Variants in OC90 observed in about 807,000 individuals in gnomAD.
OC90 encodes otoconin 90, also known as otoconin-90.
OC90 carries 46 observed loss-of-function variants against 47.3 expected under a neutral mutation model. That is an observed-to-expected ratio of 0.97 (90% CI 0.77 to 1.24). The LOEUF (loss-of-function observed/expected upper bound fraction) is 1.24, where lower values mean the gene tolerates loss of function less well. Among genes scored for constraint, OC90 ranks in the 50% most tolerant of loss-of-function variants. OC90 has a pLI of 0.00. For synonymous variants in OC90, 271 were observed against 219.5 expected (o/e 1.23, Z -2.07); for missense variants, 688 against 583.9 (o/e 1.18, Z -1.84).
At chr8:132,028,831 AAG>A (rs1220076210) in intron 13 of OC90, among the ~76,000 whole-genome samples, 2 of 150,512 alleles carry the variant, frequency 1.3e-5, no homozygotes, top group Non-Finnish European at 3.0e-5. Flanking sequence ...AAAAGAAAGA[AAG>A]AAAGAAAAGG....
intron 10 of OC90, 123 bp downstream of exon 10, chr8:132,034,658 A>G (rs1822927848): frequency 3.0e-6 from 2 of 657,620 alleles, no homozygotes; most frequent in African/African-American, 3.7e-5. Flanking sequence ...TTGCCCCATC[A>G]CCTCCCATGC....
rs939279622 is a variant in OC90, at chr8:132,024,344, C to T, written c.*137G>A. On this transcript the variant is annotated 3_prime_UTR_variant, in exon 14 of 14. Coordinates refer to ENST00000254627, the MANE Select transcript of OC90 (RefSeq NM_001080399.3). ...GCTGATGAGGCATGGGCAGGGCTCA[C>T]GGCCTCTGTTCCCTCCCCGCCTCTG... 5.1e-5 allele frequency: 35 copies of T among 686,864 alleles called. No homozygotes were observed. The highest frequency in any genetic ancestry group is 2.4e-4 in the Admixed American group (8 of 33,684). 42.5% of individuals were successfully genotyped at this position (686,864 alleles called of 1,614,324 possible). A position where few individuals can be genotyped will look rare whatever the true frequency, so the allele number is the denominator to read the frequency against.
At chr8:132,041,374 T>C (rs1485369753) in intron 5 of OC90, 151 bp downstream of exon 5, 1 of 682,378 alleles carries the variant, frequency 1.5e-6, no homozygotes, top group East Asian at 2.7e-5. Context: ...CATGTAAAGA[T>C]GAGTCACCCA....
chr8:132,034,783 G>A lies in OC90; in HGVS notation c.731C>T (p.Pro244Leu). Residue 244 changes from proline (P) to leucine (L), a missense_variant and splice_region_variant, in exon 10 of 14, where the codon CCA becomes CTA. Coordinates refer to ENST00000254627, the MANE Select transcript of OC90 (RefSeq NM_001080399.3). ...CAGGTGGAGCCCAGTAGGCTTACCT[G>A]GAGGGGACGTAGCCCTAGCAGCTCC... ...GVGAARATSP[P>L]GSAEIVATRV... The A allele has an allele frequency of 6.2e-7, 1 of 1,609,394 alleles. No homozygotes were observed. The highest frequency in any genetic ancestry group is 1.1e-5 in the South Asian group (1 of 90,594).
At chr8:132,051,286 C>T (rs1298396689) in intron 2 of OC90, among the ~76,000 whole-genome samples, 1 of 152,226 alleles carries the variant, frequency 6.6e-6, no homozygotes, top group Non-Finnish European at 1.5e-5. Flanking sequence ...CTACATCCAA[C>T]TTTATTTTCT....
intron 13 of OC90, among the ~76,000 whole-genome samples, chr8:132,025,440 T>C (rs1822742546): frequency 6.6e-6 from 1 of 152,152 alleles, no homozygotes; most frequent in Non-Finnish European, 1.5e-5. Context: ...TATTCCCTTC[T>C]TCTGAGGGTG....
At chr8:132,042,611 A>G (rs1469521974) in intron 4 of OC90, among the ~76,000 whole-genome samples, 2 of 152,170 alleles carry the variant, frequency 1.3e-5, no homozygotes, top group East Asian at 1.9e-4. Flanking sequence ...GCTCCCATTT[A>G]TAAGTGAAAA....
intron 13 of OC90, among the ~76,000 whole-genome samples, chr8:132,027,151 A>T (rs1822771714): frequency 6.6e-6 from 1 of 152,094 alleles, no homozygotes; most frequent in South Asian, 2.1e-4. Context: ...CCACATTCCC[A>T]GGGCCCCTGT....
chr8:132,058,288 C>T (rs1293892237), intron 1 of OC90, among the ~76,000 whole-genome samples: 1 of 152,138 alleles, frequency 6.6e-6, no homozygotes, highest in African/African-American at 2.4e-5. Context: ...AGTCAGGCGC[C>T]CTTGGCTGTG....
chr8:132,036,775 A>G (rs566802927), intron 9 of OC90, among the ~76,000 whole-genome samples: 8 of 152,370 alleles, frequency 5.3e-5, no homozygotes, highest in South Asian at 2.1e-4. Context: ...TAGACAATTC[A>G]TCTCTGAATC....
intron 12 of OC90, among the ~76,000 whole-genome samples, chr8:132,029,406 A>T (rs1422167850): frequency 1.3e-5 from 2 of 152,184 alleles, no homozygotes; most frequent in African/African-American, 4.8e-5. Context: ...CTTATATTGT[A>T]TGCATCTTAT....
At chr8:132,025,176 G>A (rs1822738417) in intron 13 of OC90, among the ~76,000 whole-genome samples, 1 of 152,232 alleles carries the variant, frequency 6.6e-6, no homozygotes, top group South Asian at 2.1e-4. Context: ...TACTCCTGGT[G>A]TTACAGTAGG....
intron 1 of OC90, among the ~76,000 whole-genome samples, chr8:132,057,725 T>C (rs925571404): frequency 6.6e-6 from 1 of 152,254 alleles, no homozygotes. Flanking sequence ...CAACATTTCA[T>C]GGATTAGGTC....
At chr8:132,043,370 G>C (rs1454347703) in intron 4 of OC90, among the ~76,000 whole-genome samples, 1 of 152,242 alleles carries the variant, frequency 6.6e-6, no homozygotes, top group Non-Finnish European at 1.5e-5. Context: ...ACATTTCACA[G>C]TAGTAAACCG....
intron 1 of OC90, among the ~76,000 whole-genome samples, chr8:132,055,294 T>C (rs1823266901): frequency 6.6e-6 from 1 of 152,206 alleles, no homozygotes; most frequent in South Asian, 2.1e-4. Flanking sequence ...AAAATGGAAA[T>C]GTAGCCATGA....
At chr8:132,055,752 G>A (rs2130866219) in intron 1 of OC90, among the ~76,000 whole-genome samples, 1 of 152,302 alleles carries the variant, frequency 6.6e-6, no homozygotes, top group African/African-American at 2.4e-5. Context: ...CTCCTCGGAG[G>A]ATGCTTTGGG....
At position 132,037,372 on chromosome 8, in the gene OC90, C is replaced by T. The variant is rs1041908324; in HGVS notation, c.679+66G>A. 36 of 1,318,032 alleles carry T rather than the reference C, an allele frequency of 2.7e-5. No individual in the cohort carries two copies. The East Asian group carries it at 3.5e-4, about 13-fold the overall frequency. 81.6% of individuals were successfully genotyped at this position (1,318,032 alleles called of 1,614,324 possible). A position where few individuals can be genotyped will look rare whatever the true frequency, so the allele number is the denominator to read the frequency against. ...TTCTTGTGAGATCTGGTTGTTTAAA[C>T]GTGTATAGTCCCTCCCCACTCTCAT... is the stretch of plus-strand genomic sequence containing the variant. On this transcript the variant is annotated intron_variant, in intron 9 of 13. Coordinates refer to ENST00000254627, the MANE Select transcript of OC90 (RefSeq NM_001080399.3).
At chr8:132,032,350 G>A (rs1396760251) in intron 11 of OC90, among the ~76,000 whole-genome samples, 2 of 152,084 alleles carry the variant, frequency 1.3e-5, no homozygotes, top group East Asian at 1.9e-4. Context: ...GCTGTTTGGG[G>A]CCACATCTTA....
chr8:132,049,916 T>G (rs771844094), intron 2 of OC90: 3 of 492,178 alleles, frequency 6.1e-6, no homozygotes, highest in Non-Finnish European at 1.3e-5. Context: ...TTGAACTATT[T>G]GTATAAATGG....
Sources: gnomAD v4.1 joint callset for allele counts (sites outside exome capture counted in the v4.1 genomes callset) on GRCh38, gnomAD v4.1.1 for gene constraint, MANE v1.5 for transcripts, NCBI Gene and HGNC (gene_info 2026-07-23, HGNC 2026-07-21) for gene names.